Variants in ATP9B observed in about 807,000 individuals in gnomAD.
The protein encoded by ATP9B is ATPase phospholipid transporting 9B.
A neutral mutation model predicts 146.1 loss-of-function variants in ATP9B; 110 were observed. That is an observed-to-expected ratio of 0.75 (90% CI 0.65 to 0.88). ATP9B has a LOEUF of 0.88. Among genes scored for constraint, ATP9B ranks in the 40% least tolerant of loss-of-function variants. The pLI, the probability that ATP9B is intolerant of heterozygous loss-of-function variation, is 0.00. For synonymous variants in ATP9B, 604 were observed against 569.7 expected (o/e 1.06, Z -0.86); for missense variants, 1,499 against 1,496.4 (o/e 1.00, Z -0.03).
At chr18:79,203,261 A>G (rs1341727106) in intron 9 of ATP9B, among the ~76,000 whole-genome samples, 1 of 151,592 alleles carries the variant, frequency 6.6e-6, no homozygotes, top group Non-Finnish European at 1.5e-5. Context: ...TAGAGGCAGG[A>G]AGCTTAGAGT....
rs578003957 is a variant in ATP9B, at chr18:79,204,413, A to G, written c.955-2524A>G. Among the ~76,000 whole-genome samples the G allele has an allele frequency of 2.0e-4, 30 of 152,284 alleles. No individual in the cohort carries two copies. The Middle Eastern group carries it at 0.014, about 69-fold the overall frequency. ...ACAGCCCTCCTCCCTTCCTGATACA[A>G]ATACTAGTATTACTCTTTTGACTCT... On this transcript the variant is annotated intron_variant, in intron 9 of 29. Transcript: ENST00000426216.
intron 12 of ATP9B, among the ~76,000 whole-genome samples, chr18:79,272,404 C>G (rs144327563): frequency 7.2e-5 from 11 of 152,338 alleles, no homozygotes; most frequent in Middle Eastern, 3.4e-3. Flanking sequence ...CACATCTGCA[C>G]TCCGGAGCCT....
At chr18:79,113,732 G>C (rs1285464486) in intron 4 of ATP9B, among the ~76,000 whole-genome samples, 1 of 152,152 alleles carries the variant, frequency 6.6e-6, no homozygotes, top group African/African-American at 2.4e-5. Flanking sequence ...CCTGACCATG[G>C]TGAGCATTCT....
intron 12 of ATP9B, among the ~76,000 whole-genome samples, chr18:79,270,125 T>G (rs1171028867): frequency 6.6e-6 from 1 of 152,214 alleles, no homozygotes; most frequent in East Asian, 1.9e-4. Flanking sequence ...TGTTTTAAGG[T>G]GTAGCTCTTA....
chr18:79,224,825 G>T (rs59145707), intron 11 of ATP9B, among the ~76,000 whole-genome samples: 48 of 152,214 alleles, frequency 3.2e-4, no homozygotes, highest in African/African-American at 1.1e-3. Context: ...CCCTGGGCAG[G>T]CCGTGTAGGG....
intron 13 of ATP9B, among the ~76,000 whole-genome samples, chr18:79,278,294 C>A (rs1003384408): frequency 1.3e-5 from 2 of 152,144 alleles, no homozygotes; most frequent in Non-Finnish European, 2.9e-5. Flanking sequence ...TCGAGTGGTG[C>A]GGTAGCTTCA....
chr18:79,163,738 GTA>G (rs370989124), intron 7 of ATP9B, among the ~76,000 whole-genome samples: 1 of 151,638 alleles, frequency 6.6e-6, no homozygotes, highest in South Asian at 2.1e-4. Context: ...ATGCGTGTGT[GTA>G]TATATATATG....
intron 15 of ATP9B, among the ~76,000 whole-genome samples, chr18:79,310,191 G>A (rs1393532712): frequency 2.6e-5 from 4 of 152,206 alleles, no homozygotes; most frequent in Admixed American, 6.5e-5. Flanking sequence ...CTGTGGAAGG[G>A]TGAGAATAGG....
chr18:79,336,001 C>T (rs371618118), intron 17 of ATP9B, among the ~76,000 whole-genome samples: 135 of 149,388 alleles, frequency 9.0e-4, no homozygotes, highest in African/African-American at 2.6e-3. Flanking sequence ...TGGCACCAGG[C>T]GCTCCCCTCG....
At chr18:79,262,888 A>T (rs540494437) in intron 12 of ATP9B, among the ~76,000 whole-genome samples, 1 of 152,338 alleles carries the variant, frequency 6.6e-6, no homozygotes, top group South Asian at 2.1e-4. Flanking sequence ...GCCAGTTTTT[A>T]TATTGGCTTA....
At chr18:79,213,830 T>A (rs1260405125) in intron 10 of ATP9B, 132 bp from the exon 11 acceptor site, 1 of 685,738 alleles carries the variant, frequency 1.5e-6, no homozygotes, top group Non-Finnish European at 2.3e-6. Flanking sequence ...CCAAATTAAA[T>A]ACACTGTTGG....
At chr18:79,375,027 C>T (rs111236029) in intron 28 of ATP9B, among the ~76,000 whole-genome samples, 4 of 152,354 alleles carry the variant, frequency 2.6e-5, no homozygotes, top group East Asian at 1.9e-4. Flanking sequence ...AGTAGTAACA[C>T]GCTTACATAC....
intron 13 of ATP9B, among the ~76,000 whole-genome samples, chr18:79,292,906 G>C (rs1395186768): frequency 6.6e-6 from 1 of 152,002 alleles, no homozygotes; most frequent in Non-Finnish European, 1.5e-5. Flanking sequence ...ACAGGCATGA[G>C]CTATTACACC....
intron 18 of ATP9B, 81 bp from the exon 19 acceptor site, chr18:79,337,198 C>T (rs56360805): frequency 6.5e-7 from 1 of 1,538,420 alleles, no homozygotes; most frequent in South Asian, 1.1e-5. Flanking sequence ...TCTGTCCCCA[C>T]AGCCCATGCA....
At chr18:79,123,474 A>G (rs1441511380) in intron 4 of ATP9B, among the ~76,000 whole-genome samples, 1 of 152,168 alleles carries the variant, frequency 6.6e-6, no homozygotes. Flanking sequence ...CACTCTCCAA[A>G]CTGACACACA....
At chr18:79,281,786 G>A (rs1468371719) in intron 13 of ATP9B, among the ~76,000 whole-genome samples, 1 of 152,190 alleles carries the variant, frequency 6.6e-6, no homozygotes, top group African/African-American at 2.4e-5. Context: ...CACTTTGGGA[G>A]GCCAAGGCAG....
intron 5 of ATP9B, among the ~76,000 whole-genome samples, chr18:79,136,560 C>G (rs2094449801): frequency 6.6e-6 from 1 of 152,186 alleles, no homozygotes; most frequent in South Asian, 2.1e-4. Context: ...TCTCCAGTGT[C>G]AAGGTTTCCA....
chr18:79,103,020 A>G (rs556948615), intron 2 of ATP9B, among the ~76,000 whole-genome samples: 1 of 152,310 alleles, frequency 6.6e-6, no homozygotes, highest in African/African-American at 2.4e-5. Flanking sequence ...GTGGTTTTGT[A>G]GATTCCTTGT....
rs114907773 is a variant in ATP9B at position 79,266,482 on chromosome 18, T to C, written c.1269-10572T>C. Among the ~76,000 whole-genome samples, 993 of 152,160 alleles carry C rather than the reference T, an allele frequency of 6.5e-3. 4 individuals carry two copies. Among genetic ancestry groups the C allele is most frequent in the African/African-American group, 0.022 (928 of 41,546 alleles). The stretch of plus-strand genomic sequence containing the variant: ...TTGTTTCTGCAGCAAAGATCTTCAG[T>C]ATGTTGTTAAAGAAAAGTGATTATA... On this transcript the variant is annotated intron_variant, in intron 12 of 29. Transcript: ENST00000426216.
Sources: allele counts gnomAD v4.1 joint callset (sites outside exome capture counted in the v4.1 genomes callset), GRCh38; gene constraint gnomAD v4.1.1; transcripts MANE v1.5; gene names NCBI Gene and HGNC (gene_info 2026-07-23, HGNC 2026-07-21).